Variants in SLC41A2 observed in about 807,000 individuals in gnomAD.
SLC41A2 encodes the protein SLC41A1-like 1.
In SLC41A2, 32 loss-of-function variants were observed where a neutral mutation model predicts 58.3. That is an observed-to-expected ratio of 0.55 (90% CI 0.41 to 0.74). The LOEUF is 0.74. Ranked by LOEUF, SLC41A2 falls within the 30% of genes least tolerant of loss-of-function variation. The pLI is 0.00. For synonymous variants in SLC41A2, 190 were observed against 235.0 expected, an observed-to-expected ratio of 0.81 and a Z score of 1.75; for missense variants, 514 against 680.6, an observed-to-expected ratio of 0.76 and a Z score of 2.72.
intron 8 of SLC41A2, among the ~76,000 whole-genome samples, chr12:104,857,946 CAT>C: frequency 6.6e-6 from 1 of 151,878 alleles, no homozygotes; most frequent in Non-Finnish European, 1.5e-5. Flanking sequence ...CGCATGTATA[CAT>C]ATGTAACAAA....
At chr12:104,921,050 T>G (rs2046572511) in intron 2 of SLC41A2, among the ~76,000 whole-genome samples, 1 of 151,708 alleles carries the variant, frequency 6.6e-6, no homozygotes, top group African/African-American at 2.4e-5. Context: ...AATTTGAAGC[T>G]GGGCTCCAGT....
intron 3 of SLC41A2, among the ~76,000 whole-genome samples, chr12:104,899,234 A>G (rs1032500909): frequency 6.6e-6 from 1 of 152,178 alleles, no homozygotes; most frequent in Non-Finnish European, 1.5e-5. Flanking sequence ...TATTCATACT[A>G]GTGGCTTTAA....
intron 1 of SLC41A2, among the ~76,000 whole-genome samples, chr12:104,943,589 G>A (rs12579469): frequency 0.024 from 3,598 of 152,200 alleles, 98 homozygotes; most frequent in East Asian, 0.15. Flanking sequence ...TAATGACATC[G>A]AAGGCACCTC....
chr12:104,897,630 CAT>C (rs953375417), intron 3 of SLC41A2, among the ~76,000 whole-genome samples: 4 of 151,902 alleles, frequency 2.6e-5, no homozygotes, highest in Admixed American at 6.6e-5. Flanking sequence ...CAATGTATGA[CAT>C]AAAATAAAAA....
intron 2 of SLC41A2, among the ~76,000 whole-genome samples, chr12:104,916,808 T>C (rs1452292739): frequency 1.3e-5 from 2 of 152,126 alleles, no homozygotes; most frequent in Non-Finnish European, 2.9e-5. Context: ...CCTTACACCT[T>C]ATACAAAAAT....
At chr12:104,955,559 T>C (rs759969099) in intron 1 of SLC41A2, among the ~76,000 whole-genome samples, 113 of 152,360 alleles carry the variant, frequency 7.4e-4, no homozygotes, top group Admixed American at 2.5e-3. Context: ...GTATTCAGAA[T>C]TGAGCCTAGT....
At chr12:104,941,837 C>T (rs547432812) in intron 1 of SLC41A2, among the ~76,000 whole-genome samples, 8 of 152,362 alleles carry the variant, frequency 5.3e-5, no homozygotes, top group Admixed American at 6.5e-5. Context: ...ATGTAACAAA[C>T]TTGCACATTC....
chr12:104,946,415 G>A (rs749662549), intron 1 of SLC41A2, among the ~76,000 whole-genome samples: 34 of 151,986 alleles, frequency 2.2e-4, no homozygotes, highest in Non-Finnish European at 4.4e-5. Context: ...TGGAACTACA[G>A]GTGCATGCCA....
chr12:104,941,364 T>C (rs1419514003), intron 1 of SLC41A2, among the ~76,000 whole-genome samples: 1 of 151,300 alleles, frequency 6.6e-6, no homozygotes, highest in African/African-American at 2.4e-5. Flanking sequence ...TGTTTAAGCC[T>C]ACAGAATAAT....
At chr12:104,808,331 G>C (rs2041016049) in intron 10 of SLC41A2, among the ~76,000 whole-genome samples, 2 of 152,120 alleles carry the variant, frequency 1.3e-5, no homozygotes, top group Admixed American at 1.3e-4. Flanking sequence ...TAATCATGTG[G>C]TTTTTGTCGT....
chr12:104,845,881 T>G lies in SLC41A2; in HGVS notation c.1349A>C (p.Lys450Thr), dbSNP rs2042584057. ...AGTTCTAAATGGGTAGTAACAACCT[T>G]TGGGTTCATCAGGCAATTCTCCTGG... ...SIPGELPDEP[K>T]GCYYPFRTFF... The change falls in exon 9 of 11, where the codon AAA becomes ACA. Residue 450 changes from lysine to threonine, a missense_variant. By Grantham distance (78) the Lys-to-Thr change is moderately conservative. This residue lies in a region of SLC41A2 where 128 missense variants were observed against 146.0 expected (regional missense o/e 0.88). Transcript: ENST00000258538. 1 of 1,613,734 alleles carries G rather than the reference T, an allele frequency of 6.2e-7. No homozygotes were observed. Among genetic ancestry groups the G allele is most frequent in the South Asian group, 1.1e-5 (1 of 91,044 alleles).
chr12:104,894,217 G>C (rs923842253), intron 4 of SLC41A2, among the ~76,000 whole-genome samples: 1 of 152,018 alleles, frequency 6.6e-6, no homozygotes, highest in African/African-American at 2.4e-5. Context: ...AACCAGGCGT[G>C]GTGGCGCGTA....
intron 3 of SLC41A2, among the ~76,000 whole-genome samples, chr12:104,899,897 T>C (rs1452621964): frequency 6.6e-6 from 1 of 152,198 alleles, no homozygotes; most frequent in Non-Finnish European, 1.5e-5. Flanking sequence ...TTTTTGTTGT[T>C]GTTGTTGTGG....
intron 4 of SLC41A2, among the ~76,000 whole-genome samples, chr12:104,892,425 A>G (rs1388189712): frequency 1.3e-5 from 2 of 152,114 alleles, no homozygotes; most frequent in African/African-American, 2.4e-5. Flanking sequence ...TAAAATGTCC[A>G]TATAACCCAA....
chr12:104,841,768 TG>T (rs1004697241), intron 10 of SLC41A2, among the ~76,000 whole-genome samples: 3 of 152,032 alleles, frequency 2.0e-5, no homozygotes, highest in Admixed American at 2.0e-4. Flanking sequence ...TTTAGTGGGT[TG>T]GGGAATTAGC....
intron 10 of SLC41A2, among the ~76,000 whole-genome samples, chr12:104,811,049 A>AT (rs897766870): frequency 9.2e-5 from 14 of 151,896 alleles, no homozygotes; most frequent in South Asian, 2.1e-4. Flanking sequence ...AGAAATAATG[A>AT]TTTTTTTTTC....
At chr12:104,831,215 C>T (rs1056226130) in intron 10 of SLC41A2, among the ~76,000 whole-genome samples, 1 of 151,916 alleles carries the variant, frequency 6.6e-6, no homozygotes, top group Non-Finnish European at 1.5e-5. Context: ...TATTTACTTT[C>T]GATCATAAAA....
At chr12:104,912,603 A>G (rs971193471) in intron 2 of SLC41A2, among the ~76,000 whole-genome samples, 15 of 152,228 alleles carry the variant, frequency 9.9e-5, no homozygotes, top group African/African-American at 3.6e-4. Context: ...CTTCATCTGT[A>G]TTCTTTGTAA....
chr12:104,916,576 C>T (rs2046333258), intron 2 of SLC41A2, among the ~76,000 whole-genome samples: 2 of 152,076 alleles, frequency 1.3e-5, no homozygotes, highest in Admixed American at 6.6e-5. Context: ...TCAAACTATA[C>T]TACAAGGCTA....
Sources: allele counts gnomAD v4.1 joint callset (sites outside exome capture counted in the v4.1 genomes callset), GRCh38; gene constraint gnomAD v4.1.1; regional missense constraint gnomAD v4.1.1; transcripts MANE v1.5; gene names NCBI Gene and HGNC (gene_info 2026-07-23, HGNC 2026-07-21).